Variants in ANXA11 observed in about 807,000 individuals in gnomAD.
ANXA11 encodes annexin A11.
ANXA11 carries 57 observed loss-of-function variants against 64.7 expected under a neutral mutation model. The observed-to-expected ratio is 0.88, with a 90% CI of 0.71 to 1.10. ANXA11 has a LOEUF of 1.10. ANXA11 is among the 50% of genes least tolerant of loss of function. ANXA11 has a pLI of 0.00. For missense variants in ANXA11, 675 were observed against 670.7 expected (o/e 1.01, Z -0.07); for synonymous variants, 260 against 265.2 (o/e 0.98, Z 0.19).
rs752259019 is a variant in ANXA11, at chr10:80,169,160, G to A, written c.370C>T (p.Pro124Ser). 2 of 1,578,044 alleles carry A rather than the reference G, an allele frequency of 1.3e-6. No homozygotes were observed. Among genetic ancestry groups the A allele is most frequent in the Admixed American group, 1.9e-5 (1 of 52,628 alleles). The change falls in exon 5 of 16, where the codon CCA becomes TCA. Residue 124 changes from proline to serine, a missense_variant. Physicochemically the swap from Pro to Ser is moderately conservative, Grantham distance 74 (BLOSUM62 -1). Coordinates refer to ENST00000422982, the MANE Select transcript of ANXA11 (RefSeq NM_145868.2). ...PSRMPSYPPY[P>S]GAPVPGQPMP... ...GGCTGGCCCGGCACAGGGGCCCCTG[G>A]GTATGGCGGATATGAGGGCATCCTG...
chr10:80,157,103 G>T (rs1239088129), intron 15 of ANXA11: 2 of 974,220 alleles, frequency 2.1e-6, no homozygotes, highest in African/African-American at 3.5e-5. Context: ...AGGAAGGAAC[G>T]ATTATTTTCT....
At chr10:80,170,517 C>T (rs1277700280) in intron 4 of ANXA11, among the ~76,000 whole-genome samples, 4 of 152,204 alleles carry the variant, frequency 2.6e-5, no homozygotes, top group Non-Finnish European at 4.4e-5. Context: ...CAGATACCCT[C>T]GCCACCTTCC....
chr10:80,177,673 T>A (rs918366730), intron 1 of ANXA11, among the ~76,000 whole-genome samples: 2 of 152,194 alleles, frequency 1.3e-5, no homozygotes, highest in African/African-American at 4.8e-5. Context: ...AGGCATCATG[T>A]GGGTGCAGGC....
intron 9 of ANXA11, 53 bp from the exon 10 acceptor site, chr10:80,163,666 C>T (rs1420977821): frequency 6.7e-7 from 1 of 1,492,764 alleles, no homozygotes; most frequent in African/African-American, 1.4e-5. Flanking sequence ...TATGGAGCTG[C>T]CCATTGCAAA....
At chr10:80,185,290 C>A (rs1846499344) in intron 1 of ANXA11, among the ~76,000 whole-genome samples, 1 of 152,348 alleles carries the variant, frequency 6.6e-6, no homozygotes, top group African/African-American at 2.4e-5. Context: ...CACTTAGAAG[C>A]AGATAGAGTG....
chr10:80,155,501 T>C lies in ANXA11; in HGVS notation c.*352A>G, dbSNP rs1308044837. 2 of 272,238 alleles carry C rather than the reference T, an allele frequency of 7.3e-6. No individual in the cohort carries two copies. Among genetic ancestry groups the C allele is most frequent in the African/African-American group, 4.4e-5 (2 of 45,732 alleles). 16.9% of individuals were successfully genotyped at this position (272,238 alleles called of 1,614,324 possible). On this transcript the variant is annotated 3_prime_UTR_variant, in exon 16 of 16. Coordinates refer to ENST00000422982, the MANE Select transcript of ANXA11 (RefSeq NM_145868.2). ...GTATGCCTCTGTCTGGCAATGACTG[T>C]AAGAAAAGAAAATATGCCTCCAAAT...
chr10:80,159,302 A>G, intron 12 of ANXA11, 107 bp from the exon 13 acceptor site: 1 of 882,984 alleles, frequency 1.1e-6, no homozygotes, highest in Non-Finnish European at 1.8e-6. Flanking sequence ...GTGTTTGGAG[A>G]TAAGATCTTT....
At chr10:80,170,707 G>A in intron 4 of ANXA11, 93 bp downstream of exon 4, 2 of 1,015,876 alleles carry the variant, frequency 2.0e-6, no homozygotes, top group Middle Eastern at 3.0e-4. Flanking sequence ...CACACACATA[G>A]ACAACTCTGG....
At chr10:80,158,703 G>A (rs1330543384) in intron 13 of ANXA11, among the ~76,000 whole-genome samples, 7 of 152,166 alleles carry the variant, frequency 4.6e-5, no homozygotes, top group African/African-American at 9.7e-5. Context: ...GGCCTGTTTC[G>A]CTGCTGCAAG....
At chr10:80,170,416 C>T (rs188769721) in intron 4 of ANXA11, among the ~76,000 whole-genome samples, 344 of 152,332 alleles carry the variant, frequency 2.3e-3, no homozygotes, top group Non-Finnish European at 3.6e-3. Context: ...CCACCAAGGC[C>T]TAACCAGAAG....
At chr10:80,161,156 G>A (rs554088150) in intron 12 of ANXA11, among the ~76,000 whole-genome samples, 13 of 152,218 alleles carry the variant, frequency 8.5e-5, no homozygotes, top group South Asian at 2.1e-4. Context: ...ACCCAGCTCC[G>A]GGAAGTCATC....
At chr10:80,157,326 T>A in intron 15 of ANXA11, 1 of 985,410 alleles carries the variant, frequency 1.0e-6, no homozygotes, top group Non-Finnish European at 1.2e-6. Context: ...CTTTGGGACA[T>A]GAGTTCTCAC....
chr10:80,194,200 G>T (rs1762007763), intron 1 of ANXA11, among the ~76,000 whole-genome samples: 1 of 152,120 alleles, frequency 6.6e-6, no homozygotes, highest in Non-Finnish European at 1.5e-5. Context: ...CCCTCTTCAG[G>T]ACAAAGAATA....
chr10:80,163,481 T>C (rs1213809689), intron 10 of ANXA11, 53 bp downstream of exon 10: 32 of 1,607,422 alleles, frequency 2.0e-5, no homozygotes, highest in Non-Finnish European at 2.5e-6. Flanking sequence ...GGGGATCCCA[T>C]CTCTTTGACT....
At chr10:80,201,359 T>TC (rs1398238953) in intron 1 of ANXA11, among the ~76,000 whole-genome samples, 1 of 152,150 alleles carries the variant, frequency 6.6e-6, no homozygotes, top group Admixed American at 6.5e-5. Flanking sequence ...ACTCAGCTGT[T>TC]CGAGGTGAGT....
chr10:80,188,511 A>ATATATATATAT (rs1554834982), intron 1 of ANXA11, among the ~76,000 whole-genome samples: 14 of 126,532 alleles, frequency 1.1e-4, no homozygotes, highest in Non-Finnish European at 1.7e-4. Context: ...ATATATATAT[A>ATATATATATAT]GCACTACAAC....
At chr10:80,157,061 G>A in intron 15 of ANXA11, 1 of 984,282 alleles carries the variant, frequency 1.0e-6, no homozygotes, top group South Asian at 4.7e-5. Flanking sequence ...CACTTGACCT[G>A]CACTGCCTCA....
chr10:80,187,129 C>T (rs937061391), intron 1 of ANXA11, among the ~76,000 whole-genome samples: 3 of 152,224 alleles, frequency 2.0e-5, no homozygotes, highest in Non-Finnish European at 4.4e-5. Context: ...CACCCAAGTC[C>T]TGACTCCAAA....
At chr10:80,183,559 G>A (rs7074217) in intron 1 of ANXA11, among the ~76,000 whole-genome samples, 2,333 of 152,328 alleles carry the variant, frequency 0.015, 60 homozygotes, top group African/African-American at 0.053. Flanking sequence ...CACGGGTGTG[G>A]CGGAGAGGGT....
Sources: allele counts gnomAD v4.1 joint callset (sites outside exome capture counted in the v4.1 genomes callset), GRCh38; gene constraint gnomAD v4.1.1; transcripts MANE v1.5; gene names NCBI Gene and HGNC (gene_info 2026-07-23, HGNC 2026-07-21).